Variants in YBEY observed in about 807,000 individuals in gnomAD.
YBEY encodes the protein ybeY metalloendoribonuclease.
YBEY carries 15 observed loss-of-function variants against 13.5 expected under a neutral mutation model. The observed-to-expected ratio is 1.11, with a 90% CI of 0.75 to 1.72. The LOEUF is 1.72. Among genes scored for constraint, YBEY ranks in the 40% most tolerant of loss-of-function variants. The pLI is 0.00. For synonymous variants in YBEY, 101 were observed against 83.1 expected, an observed-to-expected ratio of 1.21 and a Z score of -1.17; for missense variants, 244 against 208.4, an observed-to-expected ratio of 1.17 and a Z score of -1.05.
the YBEY span, among the ~76,000 whole-genome samples, chr21:46,303,053 C>A: frequency 6.6e-5 from 10 of 152,152 alleles, no homozygotes; most frequent in African/African-American, 2.4e-4. Context: ...AATCCCAGCT[C>A]CTTGGGAGGC....
In YBEY at chr21:46,297,578, C is replaced by A; in HGVS notation, c.448C>A (p.Arg150=). Residue 150 remains arginine, a synonymous_variant, in exon 5 of 5, where the codon CGA becomes AGA. Coordinates refer to ENST00000397701, the MANE Select transcript of YBEY (RefSeq NM_001314025.2). ...GAAGGCGGTGCTGGACGAGCTGGGC[C>A]GACGCACGGGGACCCGGCTGCAGCC... The part of the protein sequence containing the change: ...KEKAVLDELG[R]RTGTRLQPLT... 7.2e-7 allele frequency: 1 copy of A among 1,393,316 alleles called. No individual in the cohort carries two copies. The highest frequency in any genetic ancestry group is 2.9e-5 in the Admixed American group (1 of 34,260). The allele number at this position is 1,393,316 out of a possible 1,614,324, so 86.3% of individuals were successfully genotyped here.
chr21:46,289,263 A>G (rs2081594240), intron 2 of YBEY, among the ~76,000 whole-genome samples: 1 of 152,172 alleles, frequency 6.6e-6, no homozygotes, highest in African/African-American at 2.4e-5. Flanking sequence ...GTGATTCTGC[A>G]TTGGGAGGGA....
chr21:46,299,543 G>A (rs1476383302), downstream of YBEY, among the ~76,000 whole-genome samples: 2 of 152,112 alleles, frequency 1.3e-5, no homozygotes, highest in African/African-American at 2.4e-5. Context: ...GGCCCTTCAC[G>A]TTCTGTGTGG....
At chr21:46,308,328 G>A in the YBEY span, among the ~76,000 whole-genome samples, 3 of 151,894 alleles carry the variant, frequency 2.0e-5, no homozygotes, top group Non-Finnish European at 4.4e-5. Flanking sequence ...GGGCGTGGTG[G>A]CACATGCCTG....
chr21:46,289,389 A>G (rs989625144), intron 2 of YBEY, among the ~76,000 whole-genome samples: 20 of 152,220 alleles, frequency 1.3e-4, no homozygotes, highest in Admixed American at 2.6e-4. Flanking sequence ...GCCACATGCC[A>G]TAGTAGACTG....
At chr21:46,292,302 G>A (rs1442074728) in intron 3 of YBEY, 1 of 152,236 alleles carries the variant, frequency 6.6e-6, no homozygotes, top group African/African-American at 2.4e-5. Context: ...AATTACAGCA[G>A]GGCAAGCTGG....
At chr21:46,304,801 G>A in the YBEY span, among the ~76,000 whole-genome samples, 4 of 152,178 alleles carry the variant, frequency 2.6e-5, no homozygotes, top group Non-Finnish European at 4.4e-5. Flanking sequence ...AATCTTGAGC[G>A]GGGACGGAAG....
At chr21:46,290,828 C>T (rs1380979271) in intron 2 of YBEY, among the ~76,000 whole-genome samples, 1 of 151,852 alleles carries the variant, frequency 6.6e-6, no homozygotes, top group East Asian at 2.0e-4. Context: ...GGTGGATCAC[C>T]TGAGGTTGGG....
chr21:46,310,825 A>G, the YBEY span, among the ~76,000 whole-genome samples: 1 of 151,316 alleles, frequency 6.6e-6, no homozygotes, highest in Non-Finnish European at 1.5e-5. Flanking sequence ...CTCTCTAAAT[A>G]AATAAATAAA....
downstream of YBEY, chr21:46,300,576 G>A (rs990382414): frequency 2.9e-5 from 31 of 1,062,814 alleles, 1 homozygote; most frequent in South Asian, 2.2e-4. Flanking sequence ...CGAAAAGATG[G>A]TTCTGAGAGA....
At chr21:46,291,596 G>A in intron 3 of YBEY, 134 bp downstream of exon 3, 1 of 1,486,480 alleles carries the variant, frequency 6.7e-7, no homozygotes, top group East Asian at 2.5e-5. Flanking sequence ...CCTGTAAGCA[G>A]GGTGTGAGGA....
At chr21:46,301,844 C>A, downstream of YBEY, 1 of 1,268,434 alleles carries the variant, frequency 7.9e-7, no homozygotes, top group Non-Finnish European at 9.9e-7. Flanking sequence ...GCCTGCCCAG[C>A]TTCCCCAGGA....
intron 3 of YBEY, among the ~76,000 whole-genome samples, chr21:46,295,479 C>CCCTCCTCTTCCTCCTCCT: frequency 6.6e-6 from 1 of 152,060 alleles, no homozygotes; most frequent in East Asian, 1.9e-4. Context: ...CACAGGCCCT[C>CCCTCCTCTTCCTCCTCCT]CCTCCTCTTC....
At chr21:46,310,798 A>T in the YBEY span, among the ~76,000 whole-genome samples, 1 of 151,916 alleles carries the variant, frequency 6.6e-6, no homozygotes. Flanking sequence ...CAACAAAGTA[A>T]GACACTCTCT....
the YBEY span, among the ~76,000 whole-genome samples, chr21:46,308,905 G>C: frequency 2.0e-5 from 3 of 152,156 alleles, no homozygotes; most frequent in Non-Finnish European, 4.4e-5. Context: ...CCCTTGCCAC[G>C]TGATGCCTCC....
chr21:46,293,321 C>T (rs1314472395), intron 3 of YBEY, among the ~76,000 whole-genome samples: 62 of 68,220 alleles, frequency 9.1e-4, no homozygotes, highest in Admixed American at 1.6e-3. Flanking sequence ...GATTAAATTC[C>T]TCCCGCGGTT....
downstream of YBEY, chr21:46,302,721 G>T (rs1455321212): frequency 9.1e-6 from 6 of 659,134 alleles, no homozygotes; most frequent in Non-Finnish European, 5.4e-6. Context: ...TCTGCACACG[G>T]TGCGGGTCCC....
At position 46,296,947 on chromosome 21, in the gene YBEY, G is replaced by T. The variant is rs1305844741; in HGVS notation, c.409-592G>T. Among the ~76,000 whole-genome samples the T allele has an allele frequency of 2.7e-5, 4 of 148,398 alleles. No homozygotes were observed. The Admixed American group carries it at 2.7e-4, about 10-fold the overall frequency. Reference sequence around the variant, plus strand: ...AGGCGGAGGTTGTGGTTAGCCGAGAGATCGCGTCATTGCACTCCAGCCTGG... The same window carrying T: ...AGGCGGAGGTTGTGGTTAGCCGAGATATCGCGTCATTGCACTCCAGCCTGG... On this transcript the variant is annotated intron_variant, in intron 4 of 4. Coordinates refer to ENST00000397701, the MANE Select transcript of YBEY (RefSeq NM_001314025.2).
downstream of YBEY, among the ~76,000 whole-genome samples, chr21:46,298,091 C>T (rs116526640): frequency 0.02 from 3,032 of 152,370 alleles, 111 homozygotes; most frequent in African/African-American, 0.069. Flanking sequence ...CGCTGGTTCC[C>T]CGGGGCCTCC....
Sources: gnomAD v4.1 joint callset for allele counts (sites outside exome capture counted in the v4.1 genomes callset) on GRCh38, gnomAD v4.1.1 for gene constraint, MANE v1.5 for transcripts, NCBI Gene and HGNC (gene_info 2026-07-23, HGNC 2026-07-21) for gene names.